Variants in AIM2 observed in about 807,000 individuals in gnomAD.
The protein encoded by AIM2 is absent in melanoma 2.
Under a neutral mutation model 27.7 loss-of-function variants are expected in AIM2, and 30 were observed. The ratio of observed to expected loss-of-function variants is 1.08; its 90% CI spans 0.81 to 1.47. AIM2 has a LOEUF of 1.47. Among genes scored for constraint, AIM2 ranks in the 40% most tolerant of loss-of-function variants. The pLI, the probability that AIM2 is intolerant of heterozygous loss-of-function variation, is 0.00. For missense variants in AIM2, 358 were observed against 411.3 expected, an observed-to-expected ratio of 0.87 and a Z score of 1.12; for synonymous variants, 141 against 145.3, an observed-to-expected ratio of 0.97 and a Z score of 0.21.
intron 1 of AIM2, among the ~76,000 whole-genome samples, chr1:159,126,362 A>T (rs2102045124): frequency 6.6e-6 from 1 of 152,208 alleles, no homozygotes; most frequent in East Asian, 1.9e-4. Context: ...AAATTGATAG[A>T]ATAGGCCGGG....
rs1405975827 is a variant in AIM2 at position 159,062,708 on chromosome 1, G to A, written c.1016C>T (p.Ala339Val). The change falls in exon 6 of 6, where the codon GCC becomes GTC. Residue 339 changes from alanine (A) to valine (V), a missense_variant. Coordinates refer to ENST00000368130, the MANE Select transcript of AIM2 (RefSeq NM_004833.3). ...GVHSTIKVIK[A>V]KKKT Reference sequence around the variant, plus strand: ...TTTACTTCTCTATGTTTTTTTTTTGGCCTTAATAACCTGGATGGAGAAAAA... The same window carrying A: ...TTTACTTCTCTATGTTTTTTTTTTGACCTTAATAACCTGGATGGAGAAAAA... The A allele has an allele frequency of 4.3e-6, 7 of 1,609,696 alleles. No homozygotes were observed. The African/African-American group carries it at 8.1e-5, about 19-fold the overall frequency.
intron 1 of AIM2, among the ~76,000 whole-genome samples, chr1:159,110,754 T>C (rs777146350): frequency 6.6e-6 from 1 of 152,224 alleles, no homozygotes; most frequent in Admixed American, 6.5e-5. Context: ...ATAAATGGTA[T>C]CTGCACCAAG....
At chr1:159,104,767 G>A (rs1362085350) in intron 1 of AIM2, among the ~76,000 whole-genome samples, 2 of 152,080 alleles carry the variant, frequency 1.3e-5, no homozygotes, top group African/African-American at 4.8e-5. Context: ...ATTTTTATTG[G>A]ACAATGCTTT....
At chr1:159,132,561 C>T (rs902822602) in intron 1 of AIM2, among the ~76,000 whole-genome samples, 10 of 152,208 alleles carry the variant, frequency 6.6e-5, no homozygotes, top group Admixed American at 5.2e-4. Flanking sequence ...ATCTCTTTTG[C>T]GATATATATA....
In AIM2 at chr1:159,071,576, C is replaced by T. The variant is rs555768661; in HGVS notation, c.262+1662G>A. On this transcript the variant is annotated intron_variant, in intron 2 of 5. Transcript: ENST00000368130. ...CCAGGCAGGAGTGCAGAGGTGTGAT[C>T]TCAGCTCACTGCAACCTCTCCCTCC... is the stretch of plus-strand genomic sequence containing the variant. Among the ~76,000 whole-genome samples the T allele has an allele frequency of 3.9e-5, 6 of 152,294 alleles. No homozygotes were observed. The South Asian group carries it at 1.2e-3, about 32-fold the overall frequency.
intron 1 of AIM2, among the ~76,000 whole-genome samples, chr1:159,113,432 AT>A (rs879625313): frequency 9.9e-5 from 15 of 152,230 alleles, no homozygotes; most frequent in Non-Finnish European, 1.9e-4. Context: ...TTTAGACTTC[AT>A]CTTGGTCAAC....
At chr1:159,064,504 A>C (rs982211801) in intron 4 of AIM2, among the ~76,000 whole-genome samples, 3 of 152,180 alleles carry the variant, frequency 2.0e-5, no homozygotes, top group Non-Finnish European at 4.4e-5. Flanking sequence ...TCGCTCTTTC[A>C]CCCAGGCTGG....
chr1:159,140,625 C>G (rs1389562264), upstream of AIM2: 1 of 152,148 alleles, frequency 6.6e-6, no homozygotes, highest in African/African-American at 2.4e-5. Flanking sequence ...AGGTGGAGGT[C>G]GGTTCCTGGC....
At chr1:159,087,772 C>T (rs1656953261) in intron 1 of AIM2, among the ~76,000 whole-genome samples, 1 of 151,960 alleles carries the variant, frequency 6.6e-6, no homozygotes, top group Admixed American at 6.6e-5. Flanking sequence ...GGGGTTTCAC[C>T]ACGTTGGCCA....
chr1:159,078,381 A>C (rs1226771937), upstream of AIM2, among the ~76,000 whole-genome samples: 1 of 152,236 alleles, frequency 6.6e-6, no homozygotes, highest in Non-Finnish European at 1.5e-5. Flanking sequence ...TGCATGAATG[A>C]GTGGATCACA....
At chr1:159,098,342 G>GA (rs1657223477) in intron 1 of AIM2, among the ~76,000 whole-genome samples, 1 of 152,140 alleles carries the variant, frequency 6.6e-6, no homozygotes, top group South Asian at 2.1e-4. Flanking sequence ...GCTGAAAATT[G>GA]AGAGTCGTGT....
Position 159,066,141 on chromosome 1 carries a change from T to C in AIM2, c.585A>G (p.Thr195=). The change falls in exon 4 of 6, where the codon ACA becomes ACG. Residue 195 remains threonine (T), a synonymous_variant. Coordinates refer to ENST00000368130, the MANE Select transcript of AIM2 (RefSeq NM_004833.3). ...KEFFFVKVFN[T]LLKDKFIPKR... ...TTGGAATGAATTTATCTTTCAGCAG[T>C]GTATTAAAAACTTTTACAAAGAAGA... is the stretch of plus-strand genomic sequence containing the variant. The C allele has an allele frequency of 6.2e-7, 1 of 1,614,218 alleles. No homozygotes were observed. Among genetic ancestry groups the C allele is most frequent in the Non-Finnish European group, 8.5e-7 (1 of 1,180,026 alleles).
At chr1:159,126,432 G>A (rs1294597415) in intron 1 of AIM2, among the ~76,000 whole-genome samples, 1 of 152,108 alleles carries the variant, frequency 6.6e-6, no homozygotes, top group African/African-American at 2.4e-5. Flanking sequence ...CGGATCACGA[G>A]GTCAGGAGAT....
chr1:159,137,036 T>C (rs1263332716), intron 1 of AIM2, among the ~76,000 whole-genome samples: 1 of 152,154 alleles, frequency 6.6e-6, no homozygotes, highest in Non-Finnish European at 1.5e-5. Context: ...GTCTATTCTA[T>C]CTCTGTCTGT....
rs145117892 is a variant in AIM2 at position 159,113,233 on chromosome 1, T to G, written c.-16+27198A>C. ...TGCTGGGATTACAGATGTGAGCCACTGCACCCGGCCCAAATCTAATATTAC... is the reference window on the plus strand; with the variant it reads ...TGCTGGGATTACAGATGTGAGCCACGGCACCCGGCCCAAATCTAATATTAC... On this transcript the variant is annotated intron_variant, in intron 1 of 2. Coordinates refer to the AIM2 transcript ENST00000368129. 2.8e-3 allele frequency among the ~76,000 whole-genome samples: 434 copies of G among 152,296 alleles called. 21 individuals are homozygous for G. The East Asian group carries it at 0.077, about 27-fold the overall frequency.
intron 1 of AIM2, chr1:159,123,634 A>G (rs1647602903): frequency 6.6e-6 from 1 of 152,200 alleles, no homozygotes; most frequent in African/African-American, 2.4e-5. Flanking sequence ...GTATTAGTGA[A>G]TTTGCTTCAC....
At chr1:159,123,650 A>G (rs1046917329) in intron 1 of AIM2, 8 of 152,234 alleles carry the variant, frequency 5.3e-5, no homozygotes, top group African/African-American at 1.9e-4. Context: ...TTCACAATCC[A>G]TAGAAAGCTG....
At chr1:159,090,860 G>T (rs1057384694) in intron 1 of AIM2, among the ~76,000 whole-genome samples, 1 of 152,196 alleles carries the variant, frequency 6.6e-6, no homozygotes, top group African/African-American at 2.4e-5. Context: ...TGATGCTAAA[G>T]ACTTTCCCTA....
chr1:159,096,925 T>C (rs1222783156), intron 1 of AIM2, among the ~76,000 whole-genome samples: 1 of 152,068 alleles, frequency 6.6e-6, no homozygotes, highest in Non-Finnish European at 1.5e-5. Context: ...CCTTCGATAT[T>C]GTCACCTGCT....
Sources: gnomAD v4.1 joint callset for allele counts (sites outside exome capture counted in the v4.1 genomes callset) on GRCh38, gnomAD v4.1.1 for gene constraint, MANE v1.5 for transcripts, NCBI Gene and HGNC (gene_info 2026-07-23, HGNC 2026-07-21) for gene names.